Variants in PIGB observed in about 807,000 individuals in gnomAD.
PIGB encodes GPI alpha-1,2-mannosyltransferase 3.
Under a neutral mutation model 68.4 loss-of-function variants are expected in PIGB, and 58 were observed. That is an observed-to-expected ratio of 0.85 (90% CI 0.69 to 1.06). The LOEUF (loss-of-function observed/expected upper bound fraction) is 1.06. Ranked by LOEUF, PIGB falls within the 50% of genes least tolerant of loss-of-function variation. PIGB has a pLI of 0.00. For synonymous variants in PIGB, 219 were observed against 220.5 expected (o/e 0.99, Z 0.06); for missense variants, 634 against 655.8 (o/e 0.97, Z 0.36).
At chr15:55,326,343 A>C (rs2055285304) in intron 3 of PIGB, among the ~76,000 whole-genome samples, 1 of 152,166 alleles carries the variant, frequency 6.6e-6, no homozygotes, top group African/African-American at 2.4e-5. Flanking sequence ...AGTCAGGCAG[A>C]CCTGGGTTTA....
intron 9 of PIGB, among the ~76,000 whole-genome samples, chr15:55,349,162 T>C (rs532341365): frequency 1.3e-4 from 19 of 150,992 alleles, no homozygotes; most frequent in African/African-American, 4.1e-4. Context: ...GGATTACAGG[T>C]GTGAGCTACC....
At position 55,340,740 on chromosome 15, in the gene PIGB, C is replaced by T. The variant is rs781688213; in HGVS notation, c.975C>T (p.Pro325=). 2.5e-6 allele frequency: 4 copies of T among 1,611,020 alleles called. No homozygotes were observed. The Admixed American group carries it at 6.7e-5, about 27-fold the overall frequency. ...CAGTTATCTTGGGTACTCACTTACC[C>T]TTCTTTATTCATGGCTGCTATCTAG... ...GFPVILGTHL[P]FFIHGCYLAP... is the part of the protein sequence containing the mutation. The change falls in exon 8 of 12, where the codon CCC becomes CCT. Residue 325 remains proline, a synonymous_variant. Transcript: ENST00000164305.
chr15:55,334,660 CAGT>C (rs1432054614), intron 6 of PIGB, among the ~76,000 whole-genome samples: 3 of 152,184 alleles, frequency 2.0e-5, no homozygotes, highest in African/African-American at 7.2e-5. Flanking sequence ...GCATTTATGA[CAGT>C]GGTCCCATAA....
intron 6 of PIGB, among the ~76,000 whole-genome samples, chr15:55,334,536 A>C (rs2055492351): frequency 6.6e-6 from 1 of 152,164 alleles, no homozygotes; most frequent in Non-Finnish European, 1.5e-5. Context: ...TATCTAGTAG[A>C]CTACCCCGAA....
At chr15:55,324,352 C>G (rs2055232137) in intron 3 of PIGB, among the ~76,000 whole-genome samples, 1 of 152,194 alleles carries the variant, frequency 6.6e-6, no homozygotes, top group Non-Finnish European at 1.5e-5. Context: ...TTATTTTACT[C>G]TTTAGCAGGT....
Position 55,324,419 on chromosome 15 carries a change from T to C in PIGB, c.417+3029T>C, listed in dbSNP as rs536111385. Among the ~76,000 whole-genome samples, 121 of 152,356 alleles carry C rather than the reference T, an allele frequency of 7.9e-4. 1 individual carries two copies. Among genetic ancestry groups the C allele is most frequent in the Non-Finnish European group, 1.5e-3 (100 of 68,032 alleles). ...AAAATCTGGAGAAACTGCTAATGAC[T>C]GGGAGTTCAGAACTCCGCTTATTGT... On this transcript the variant is annotated intron_variant, in intron 3 of 11. Coordinates refer to ENST00000164305, the MANE Select transcript of PIGB (RefSeq NM_004855.5).
chr15:55,354,310 CA>C (rs111863140), intron 10 of PIGB, among the ~76,000 whole-genome samples: 49 of 138,406 alleles, frequency 3.5e-4, no homozygotes, highest in Middle Eastern at 4.0e-3. Flanking sequence ...CTCTTGTCTT[CA>C]AAAAAAAAAA....
intron 3 of PIGB, among the ~76,000 whole-genome samples, chr15:55,321,646 C>CTTTTTTTTTTTTTTTTTTTTTTTT (rs966940527): frequency 1.5e-5 from 1 of 68,348 alleles, no homozygotes; most frequent in African/African-American, 6.2e-5. Flanking sequence ...ATACTTCTTT[C>CTTTTTTTTTTTTTTTTTTTTTTTT]TTTTTTTTTT....
Position 55,354,946 on chromosome 15 carries a change from A to T in PIGB, c.1486A>T (p.Thr496Ser), listed in dbSNP as rs2056040426. The T allele has an allele frequency of 1.2e-6, 2 of 1,612,610 alleles. No individual in the cohort carries two copies. Residue 496 changes from threonine (T) to serine (S), a missense_variant, in exon 11 of 12, where the codon ACT (threonine) becomes TCT (serine). Physicochemically the swap from Thr to Ser is moderately conservative, Grantham distance 58. Transcript: ENST00000164305. Reference sequence around the variant, plus strand: ...GTTTCATGATGATGCATCATTGCCTACTCACTTGATCACCTTCAGCATTTT... The same window carrying T: ...GTTTCATGATGATGCATCATTGCCTTCTCACTTGATCACCTTCAGCATTTT... ...REFHDDASLP[T>S]HLITFSILEE...
intron 6 of PIGB, among the ~76,000 whole-genome samples, chr15:55,334,295 T>C (rs1024382545): frequency 6.6e-6 from 1 of 152,272 alleles, no homozygotes; most frequent in African/African-American, 2.4e-5. Flanking sequence ...TTGATTCTTT[T>C]ACATTTGTAT....
In PIGB at chr15:55,333,956, G is replaced by T; in HGVS notation, c.743G>T (p.Cys248Phe). ...LWTPLLFRHF[C>F]QEPRKLDLIL... ...ACACCTTTGCTCTTCAGACATTTCT[G>T]TCAAGAACCAAGAAAGCTTGATCTT... Residue 248 changes from cysteine to phenylalanine, a missense_variant, in exon 6 of 12, where the codon TGT becomes TTT. Physicochemically the swap from Cys to Phe is radical, Grantham distance 205 (BLOSUM62 -2). Transcript: ENST00000164305. The T allele has an allele frequency of 1.9e-6, 3 of 1,607,160 alleles. No homozygotes were observed. The highest frequency in any genetic ancestry group is 8.5e-7 in the Non-Finnish European group (1 of 1,177,146).
chr15:55,350,983 T>G, intron 10 of PIGB, 71 bp downstream of exon 10: 1 of 766,112 alleles, frequency 1.3e-6, no homozygotes, highest in South Asian at 1.8e-5. Flanking sequence ...CCTTTCAGAT[T>G]CCTGGATTTG....
At chr15:55,325,789 A>G (rs2055268917) in intron 3 of PIGB, among the ~76,000 whole-genome samples, 1 of 152,146 alleles carries the variant, frequency 6.6e-6, no homozygotes, top group Non-Finnish European at 1.5e-5. Flanking sequence ...GGTGGCATGC[A>G]TCTGTAGTCC....
intron 2 of PIGB, 62 bp downstream of exon 2, chr15:55,320,472 G>A (rs1451759290): frequency 6.6e-7 from 1 of 1,524,314 alleles, no homozygotes; most frequent in African/African-American, 1.4e-5. Flanking sequence ...ATTGTGCTCA[G>A]TTTCTTTTAG....
At chr15:55,344,391 G>A (rs1012675426) in intron 9 of PIGB, among the ~76,000 whole-genome samples, 1 of 152,242 alleles carries the variant, frequency 6.6e-6, no homozygotes. Flanking sequence ...TCCAAGAGAG[G>A]GAGCAAATAT....
chr15:55,350,437 A>G (rs1332264443), intron 9 of PIGB: 1 of 457,876 alleles, frequency 2.2e-6, no homozygotes, highest in Non-Finnish European at 3.8e-6. Context: ...TTGTGCTAGA[A>G]CTGGAATTCA....
At chr15:55,345,121 C>A (rs1464638834) in intron 9 of PIGB, among the ~76,000 whole-genome samples, 1 of 151,966 alleles carries the variant, frequency 6.6e-6, no homozygotes, top group Non-Finnish European at 1.5e-5. Flanking sequence ...GAACTCCTGA[C>A]CTCAGATGAT....
At chr15:55,355,225 G>C (rs2056051154) in intron 11 of PIGB, 61 bp from the exon 12 acceptor site, 9 of 1,337,568 alleles carry the variant, frequency 6.7e-6, no homozygotes, top group Non-Finnish European at 9.3e-6. Flanking sequence ...TTCTAAAATT[G>C]ACTGAAACAG....
chr15:55,351,558 C>T (rs2055922131), intron 10 of PIGB: 5 of 151,872 alleles, frequency 3.3e-5, no homozygotes, highest in Admixed American at 3.3e-4. Context: ...CATCTTTACA[C>T]AATTTGAATT....
Sources: gnomAD v4.1 joint callset for allele counts (sites outside exome capture counted in the v4.1 genomes callset) on GRCh38, gnomAD v4.1.1 for gene constraint, MANE v1.5 for transcripts, NCBI Gene and HGNC (gene_info 2026-07-23, HGNC 2026-07-21) for gene names.